IQGAP2: variants seen among roughly 807,000 people sequenced by gnomAD.
The protein encoded by IQGAP2 is ras GTPase-activating-like protein IQGAP2.
In IQGAP2, 173 loss-of-function variants were observed where a neutral mutation model predicts 201.3. The ratio of observed to expected loss-of-function variants is 0.86; its 90% confidence interval spans 0.76 to 0.98. IQGAP2 has a LOEUF of 0.98. Among genes scored for constraint, IQGAP2 ranks in the 50% least tolerant of loss-of-function variants. The pLI is 0.00. For synonymous variants in IQGAP2, 675 were observed against 673.9 expected (o/e 1.00, Z -0.03); for missense variants, 1,687 against 1,864.8 (o/e 0.90, Z 1.76).
chr5:76,524,302 A>T (rs146309719), intron 2 of IQGAP2, among the ~76,000 whole-genome samples: 3 of 152,290 alleles, frequency 2.0e-5, no homozygotes, highest in Non-Finnish European at 4.4e-5. Context: ...TTATCCATAC[A>T]TTTGACTTTT....
At chr5:76,495,089 C>A (rs528668142) in intron 2 of IQGAP2, among the ~76,000 whole-genome samples, 57 of 151,862 alleles carry the variant, frequency 3.8e-4, no homozygotes, top group African/African-American at 1.3e-3. Flanking sequence ...TTTTAAAAAC[C>A]CTATTTAAAT....
chr5:76,430,294 C>G (rs1029846694), intron 1 of IQGAP2, among the ~76,000 whole-genome samples: 1 of 152,154 alleles, frequency 6.6e-6, no homozygotes, highest in African/African-American at 2.4e-5. Flanking sequence ...TTAACGAGCT[C>G]CAGCTGGGAA....
chr5:76,569,328 A>G (rs1561470920), intron 3 of IQGAP2, among the ~76,000 whole-genome samples: 1 of 152,166 alleles, frequency 6.6e-6, no homozygotes, highest in Non-Finnish European at 1.5e-5. Flanking sequence ...AATTTATTCC[A>G]TTGTGTGAAT....
In IQGAP2 at chr5:76,695,523, C is replaced by T. The variant is rs750265016; in HGVS notation, c.4063C>T (p.His1355Tyr). ...IDSRTPEEMK[H>Y]SQSMIEDAQL... Reference sequence around the variant, plus strand: ...TTCCAGGACTCCAGAAGAAATGAAGCATAGCCAATCTATGATTGAAGATGC... The same window carrying T: ...TTCCAGGACTCCAGAAGAAATGAAGTATAGCCAATCTATGATTGAAGATGC... Residue 1355 changes from histidine to tyrosine, a missense_variant, in exon 32 of 36, where the codon CAT becomes TAT. Transcript: ENST00000274364. 1 of 1,614,116 alleles carries T rather than the reference C, an allele frequency of 6.2e-7. No homozygotes were observed. Among genetic ancestry groups the T allele is most frequent in the Non-Finnish European group, 8.5e-7 (1 of 1,180,002 alleles).
At chr5:76,582,976 T>G (rs1279901323) in intron 5 of IQGAP2, among the ~76,000 whole-genome samples, 1 of 152,226 alleles carries the variant, frequency 6.6e-6, no homozygotes, top group East Asian at 1.9e-4. Flanking sequence ...ACAGGTGTGC[T>G]GTAGCTTTTG....
chr5:76,464,080 T>C (rs1290326097), intron 2 of IQGAP2, among the ~76,000 whole-genome samples: 3 of 152,136 alleles, frequency 2.0e-5, no homozygotes. Flanking sequence ...ACTCCTGACC[T>C]CAAGTGATCC....
chr5:76,508,949 G>T (rs371124756), intron 2 of IQGAP2, among the ~76,000 whole-genome samples: 2 of 152,006 alleles, frequency 1.3e-5, no homozygotes, highest in South Asian at 2.1e-4. Flanking sequence ...TCCTCTCGGG[G>T]AAATAGGTGT....
intron 2 of IQGAP2, among the ~76,000 whole-genome samples, chr5:76,551,292 T>G (rs1743487535): frequency 1.5e-5 from 2 of 136,424 alleles, no homozygotes; most frequent in Admixed American, 1.5e-4. Context: ...ACATCTCAGA[T>G]GATGGGCGGC....
chr5:76,595,296 CCA>C (rs1746948409), intron 9 of IQGAP2, among the ~76,000 whole-genome samples: 2 of 130,618 alleles, frequency 1.5e-5, no homozygotes, highest in South Asian at 5.0e-4. Flanking sequence ...ATTCTATTGC[CCA>C]GTCTGGTGTT....
intron 1 of IQGAP2, among the ~76,000 whole-genome samples, chr5:76,456,035 A>G (rs139183931): frequency 6.6e-5 from 10 of 152,316 alleles, no homozygotes; most frequent in African/African-American, 2.2e-4. Context: ...TTGTGTGACT[A>G]TTATGAGAGC....
intron 2 of IQGAP2, among the ~76,000 whole-genome samples, chr5:76,527,197 T>C (rs945788089): frequency 2.0e-5 from 3 of 152,166 alleles, no homozygotes; most frequent in Non-Finnish European, 4.4e-5. Context: ...CTGGAAGTAA[T>C]GCAAGCCAGA....
chr5:76,506,401 C>T (rs960434927), intron 2 of IQGAP2, among the ~76,000 whole-genome samples: 1 of 152,070 alleles, frequency 6.6e-6, no homozygotes, highest in Non-Finnish European at 1.5e-5. Context: ...TATCTTTTTC[C>T]CTGAAAGCAG....
At chr5:76,593,049 C>T (rs1261565454) in intron 9 of IQGAP2, 124 bp downstream of exon 9, 1 of 714,572 alleles carries the variant, frequency 1.4e-6, no homozygotes, top group East Asian at 2.5e-5. Flanking sequence ...GAAAAATCTA[C>T]TCAGTGTCAG....
intron 1 of IQGAP2, among the ~76,000 whole-genome samples, chr5:76,455,453 C>CAAAAAAAAAAAAAAAAA (rs59978990): frequency 1.2e-5 from 1 of 81,234 alleles, no homozygotes; most frequent in African/African-American, 4.7e-5. Context: ...GACTCTGTCT[C>CAAAAAAAAAAAAAAAAA]AAAAAAAAAA....
intron 30 of IQGAP2, among the ~76,000 whole-genome samples, chr5:76,685,623 C>G (rs942364547): frequency 3.3e-5 from 5 of 152,142 alleles, no homozygotes; most frequent in Non-Finnish European, 7.4e-5. Flanking sequence ...GTGTCTTAGC[C>G]TGGGAAACCT....
intron 2 of IQGAP2, among the ~76,000 whole-genome samples, chr5:76,556,065 T>C (rs1338183198): frequency 1.3e-5 from 2 of 151,990 alleles, no homozygotes; most frequent in East Asian, 1.9e-4. Context: ...AGCAGAAGGT[T>C]AATAGGTAGA....
chr5:76,418,542 C>A (rs1214734758), intron 1 of IQGAP2, among the ~76,000 whole-genome samples: 3 of 148,962 alleles, frequency 2.0e-5, no homozygotes, highest in African/African-American at 7.5e-5. Flanking sequence ...TACAAAAAAT[C>A]TTTAAAAATT....
intron 2 of IQGAP2, among the ~76,000 whole-genome samples, chr5:76,541,042 A>G (rs1231281220): frequency 6.6e-6 from 1 of 152,174 alleles, no homozygotes; most frequent in African/African-American, 2.4e-5. Context: ...TATAATGTAA[A>G]ATTTACCATT....
intron 3 of IQGAP2, among the ~76,000 whole-genome samples, chr5:76,564,012 T>G (rs538216703): frequency 6.6e-6 from 1 of 150,752 alleles, no homozygotes; most frequent in South Asian, 2.1e-4. Flanking sequence ...AAAAGGTCAC[T>G]GAGCAAAAGT....
Sources: gnomAD v4.1 joint callset for allele counts (sites outside exome capture counted in the v4.1 genomes callset) on GRCh38, gnomAD v4.1.1 for gene constraint, MANE v1.5 for transcripts, NCBI Gene and HGNC (gene_info 2026-07-23, HGNC 2026-07-21) for gene names.